The following F2 variants were observed in gnomAD, a reference collection of about 807,000 sequenced individuals.
F2 encodes the protein coagulation factor II, thrombin.
Under a neutral mutation model 81.9 loss-of-function variants are expected in F2, and 34 were observed. That is an observed-to-expected ratio of 0.42 (90% CI 0.32 to 0.55). The LOEUF is 0.55. Ranked by LOEUF, F2 falls within the 20% of genes least tolerant of loss-of-function variation. The pLI, the probability that F2 is intolerant of heterozygous loss-of-function variation, is 0.18. For missense variants in F2, 630 were observed against 833.4 expected, an observed-to-expected ratio of 0.76 and a Z score of 3.00; for synonymous variants, 296 against 326.4, an observed-to-expected ratio of 0.91 and a Z score of 1.01.
At position 46,730,930 on chromosome 11, in the gene F2, T is replaced by A. The variant is rs1163408787; in HGVS notation, c.1654+1369T>A. On this transcript the variant is annotated intron_variant, in intron 12 of 13. Transcript: ENST00000311907. ...CAATACAAATATTAAAACCCGGAAA[T>A]TTTTTTTTGACATAGCTTCGCTGTC... is the stretch of plus-strand genomic sequence containing the variant. Among the ~76,000 whole-genome samples, 4 of 150,624 alleles carry A rather than the reference T, an allele frequency of 2.7e-5. No homozygotes were observed. The South Asian group carries it at 8.4e-4, about 32-fold the overall frequency.
Position 46,726,646 on chromosome 11 carries a change from AGGGGATGC to A in F2, c.1003+25_1003+32del, listed in dbSNP as rs529938969. ...AGGCAGGTGAGGTAGTGGGCATCCG[AGGGGATGC>A]GGGGCTGCGGGGCTGGTGGCCAGGA... On this transcript the variant is annotated intron_variant, in intron 8 of 13. Coordinates refer to ENST00000311907, the MANE Select transcript of F2 (RefSeq NM_000506.5). The surrounding 1 kb of genome is among the most constrained non-coding windows in gnomAD (Gnocchi z 5.9). 33 of 1,613,394 alleles carry A rather than the reference AGGGGATGC, an allele frequency of 2.0e-5. No homozygotes were observed. Among genetic ancestry groups the A allele is most frequent in the Non-Finnish European group, 2.7e-5 (32 of 1,179,332 alleles).
At chr11:46,738,247 C>T (rs1467637839) in intron 12 of F2, among the ~76,000 whole-genome samples, 2 of 152,176 alleles carry the variant, frequency 1.3e-5, no homozygotes, top group East Asian at 1.9e-4. Flanking sequence ...GATCCGCCCG[C>T]CTTGGCCTCC....
Position 46,726,320 on chromosome 11 carries a change from C to T in F2, c.874+147C>T. Reference sequence around the variant, plus strand: ...CAGGTGGGGGGTAAGGTCCTGTGCCCATTTCACAGATAAGTACACTGAGGC... The same window carrying T: ...CAGGTGGGGGGTAAGGTCCTGTGCCTATTTCACAGATAAGTACACTGAGGC... On this transcript the variant is annotated intron_variant, in intron 7 of 13. Coordinates refer to ENST00000311907, the MANE Select transcript of F2 (RefSeq NM_000506.5). The surrounding 1 kb of genome is among the most constrained non-coding windows in gnomAD (Gnocchi z 5.9). 7.0e-7 allele frequency: 1 copy of T among 1,434,310 alleles called. No individual in the cohort carries two copies. Among genetic ancestry groups the T allele is most frequent in the South Asian group, 1.2e-5 (1 of 80,570 alleles). 88.8% of individuals were successfully genotyped at this position (1,434,310 alleles called of 1,614,324 possible).
At chr11:46,722,943 GTTGATGTGT>G (rs2064846514) in intron 4 of F2, among the ~76,000 whole-genome samples, 1 of 152,238 alleles carries the variant, frequency 6.6e-6, no homozygotes, top group African/African-American at 2.4e-5. Context: ...TGTCCTATTG[GTTGATGTGT>G]ACTGAGCACC....
chr11:46,730,796 A>ATATATATATATATATATATATG (rs942052249), intron 12 of F2, among the ~76,000 whole-genome samples: 17 of 142,312 alleles, frequency 1.2e-4, no homozygotes, highest in Non-Finnish European at 2.6e-4. Context: ...TTATATATAT[A>ATATATATATATATATATATATG]TATGCATAGT....
intron 12 of F2, among the ~76,000 whole-genome samples, chr11:46,732,057 A>G (rs915382197): frequency 1.3e-5 from 2 of 151,712 alleles, no homozygotes; most frequent in African/African-American, 4.8e-5. Flanking sequence ...CAGGGATTAC[A>G]GGCATGTGCC....
intron 12 of F2, among the ~76,000 whole-genome samples, chr11:46,731,328 G>A (rs1341343415): frequency 6.7e-6 from 1 of 150,056 alleles, no homozygotes; most frequent in African/African-American, 2.5e-5. Flanking sequence ...CTGCCACCAC[G>A]CCCGGCTAAC....
intron 12 of F2, among the ~76,000 whole-genome samples, chr11:46,734,176 C>A (rs2064930798): frequency 1.3e-5 from 2 of 152,052 alleles, no homozygotes; most frequent in African/African-American, 4.8e-5. Flanking sequence ...TGGCTCACTG[C>A]AGCCTCCACT....
Sources: allele counts gnomAD v4.1 joint callset (sites outside exome capture counted in the v4.1 genomes callset), GRCh38; gene constraint gnomAD v4.1.1; non-coding constraint Gnocchi (gnomAD v3.1); transcripts MANE v1.5; gene names NCBI Gene and HGNC (gene_info 2026-07-23, HGNC 2026-07-21).